Variants in KCNJ3 observed in about 807,000 individuals in gnomAD.
The protein encoded by KCNJ3 is potassium inwardly rectifying channel subfamily J member 3, also known as G protein-activated inward rectifier potassium channel 1.
A neutral mutation model predicts 39.2 loss-of-function variants in KCNJ3; 4 were observed. That is an observed-to-expected ratio of 0.10 (90% CI 0.05 to 0.23). The LOEUF (loss-of-function observed/expected upper bound fraction) is 0.23. KCNJ3 is among the 10% of genes least tolerant of loss of function. KCNJ3 has a pLI of 1.00. For missense variants in KCNJ3, 276 were observed against 634.9 expected, an observed-to-expected ratio of 0.43 and a Z score of 6.08; for synonymous variants, 230 against 237.4, an observed-to-expected ratio of 0.97 and a Z score of 0.29.
At chr2:154,852,940 A>T (rs2105141489) in intron 2 of KCNJ3, among the ~76,000 whole-genome samples, 1 of 152,240 alleles carries the variant, frequency 6.6e-6, no homozygotes, top group Non-Finnish European at 1.5e-5. Context: ...CTAAAATATT[A>T]GAGACATTAC....
chr2:154,704,538 A>G (rs1574427438), intron 1 of KCNJ3, among the ~76,000 whole-genome samples: 1 of 152,206 alleles, frequency 6.6e-6, no homozygotes, highest in East Asian at 1.9e-4. Context: ...TAATTGGCTC[A>G]GCATTAAAAA....
chr2:154,828,819 G>A (rs899854649), intron 2 of KCNJ3, among the ~76,000 whole-genome samples: 18 of 152,162 alleles, frequency 1.2e-4, no homozygotes, highest in African/African-American at 4.3e-4. Flanking sequence ...TAAATAGGAA[G>A]ATTTAGGGGT....
intron 2 of KCNJ3, among the ~76,000 whole-genome samples, chr2:154,845,362 G>A (rs557906177): frequency 2.6e-5 from 4 of 152,024 alleles, no homozygotes; most frequent in African/African-American, 7.2e-5. Flanking sequence ...CAAGTGATCC[G>A]CCTGCTTTGG....
intron 2 of KCNJ3, among the ~76,000 whole-genome samples, chr2:154,788,961 A>G (rs1204877184): frequency 6.6e-6 from 1 of 152,074 alleles, no homozygotes; most frequent in Non-Finnish European, 1.5e-5. Context: ...TCTGTTCTTG[A>G]TTCAGAGTGG....
chr2:154,789,246 CAGTAA>C (rs147195616), intron 2 of KCNJ3, among the ~76,000 whole-genome samples: 7,435 of 152,002 alleles, frequency 0.049, 227 homozygotes, highest in African/African-American at 0.084. Flanking sequence ...TAATAGTAAT[CAGTAA>C]AGTAAAGAAG....
chr2:154,699,301 C>A lies in KCNJ3; in HGVS notation c.526C>A (p.Leu176Ile). ...SILGSIVDAF[L>I]IGCMFIKMSQ... ...CCTGGGCTCCATCGTGGACGCCTTC[C>A]TCATCGGCTGCATGTTCATCAAGAT... Residue 176 changes from leucine (L) to isoleucine (I), a missense_variant, in exon 1 of 3, where the codon CTC (leucine) becomes ATC (isoleucine). Leu to Ile is a conservative substitution (Grantham distance 5, BLOSUM62 2). Around this residue, in one of 4 missense-constraint regions of KCNJ3, gnomAD observed 46 missense variants for 206.6 expected, o/e 0.22. Coordinates refer to ENST00000295101, the MANE Select transcript of KCNJ3 (RefSeq NM_002239.4). This position sits in a 1 kb window ranked among gnomAD's most constrained non-coding sequence, Gnocchi z 6.4. 1 of 1,614,022 alleles carries A rather than the reference C, an allele frequency of 6.2e-7. No individual in the cohort carries two copies. The highest frequency in any genetic ancestry group is 8.5e-7 in the Non-Finnish European group (1 of 1,180,040).
At chr2:154,799,103 T>C (rs779526924) in intron 2 of KCNJ3, among the ~76,000 whole-genome samples, 13 of 152,140 alleles carry the variant, frequency 8.5e-5, no homozygotes, top group Non-Finnish European at 1.6e-4. Flanking sequence ...AACTCCACAG[T>C]CAAAAGAAAA....
chr2:154,835,470 A>G (rs887068424), intron 2 of KCNJ3, among the ~76,000 whole-genome samples: 51 of 101,326 alleles, frequency 5.0e-4, no homozygotes, highest in African/African-American at 1.5e-3. Flanking sequence ...ATTCATGAAT[A>G]TGAATATATA....
intron 2 of KCNJ3, among the ~76,000 whole-genome samples, chr2:154,767,104 AG>A (rs1686147939): frequency 6.6e-6 from 1 of 152,162 alleles, no homozygotes; most frequent in Admixed American, 6.6e-5. Flanking sequence ...TTTGTACCAC[AG>A]GTTTCAAAAA....
chr2:154,709,879 G>A, intron 2 of KCNJ3, 60 bp downstream of exon 2: 2 of 1,569,008 alleles, frequency 1.3e-6, no homozygotes, highest in Non-Finnish European at 8.7e-7. Context: ...TATATGATAT[G>A]CACAATACCT....
At chr2:154,757,517 A>AT (rs751935169) in intron 2 of KCNJ3, among the ~76,000 whole-genome samples, 11 of 151,962 alleles carry the variant, frequency 7.2e-5, no homozygotes, top group African/African-American at 1.9e-4. Context: ...TATTTTGTTG[A>AT]TTTTTTTCTC....
intron 2 of KCNJ3, among the ~76,000 whole-genome samples, chr2:154,779,139 A>G (rs1029720084): frequency 1.3e-5 from 2 of 152,020 alleles, no homozygotes; most frequent in African/African-American, 4.8e-5. Flanking sequence ...TGGTACAGGG[A>G]AAACCACACA....
intron 2 of KCNJ3, among the ~76,000 whole-genome samples, chr2:154,753,433 T>A (rs2105183437): frequency 6.6e-6 from 1 of 152,264 alleles, no homozygotes; most frequent in Non-Finnish European, 1.5e-5. Context: ...TTCAAGATTG[T>A]AAGAAATCAC....
At chr2:154,775,570 A>G (rs549356885) in intron 2 of KCNJ3, among the ~76,000 whole-genome samples, 1 of 152,316 alleles carries the variant, frequency 6.6e-6, no homozygotes, top group African/African-American at 2.4e-5. Context: ...TTGAGCTTAC[A>G]AAGCATTTTA....
intron 2 of KCNJ3, among the ~76,000 whole-genome samples, chr2:154,735,069 C>CTG (rs10632638): frequency 0.18 from 26,758 of 145,752 alleles, 2,365 homozygotes; most frequent in Non-Finnish European, 0.2. Context: ...CCTTGTAGGC[C>CTG]TGTGTGTGTG....
Position 154,699,853 on chromosome 2 carries a change from T to C in KCNJ3, c.702+376T>C, listed in dbSNP as rs1167354574. ...ATTTGTTGTCTACACACTACCCCAT[T>C]CAATGCGAGGTACTAGAACTCAACT... On this transcript the variant is annotated intron_variant, in intron 1 of 2. Coordinates refer to ENST00000295101, the MANE Select transcript of KCNJ3 (RefSeq NM_002239.4). This position sits in a 1 kb window ranked among gnomAD's most constrained non-coding sequence, Gnocchi z 6.4. 6.6e-6 allele frequency among the ~76,000 whole-genome samples: 1 copy of C among 152,108 alleles called. No individual in the cohort carries two copies.
intron 2 of KCNJ3, among the ~76,000 whole-genome samples, chr2:154,840,385 C>T (rs1244877675): frequency 1.3e-5 from 2 of 152,146 alleles, no homozygotes; most frequent in Non-Finnish European, 2.9e-5. Context: ...ATGCCTCCAG[C>T]TTTGTTCTTT....
chr2:154,766,351 T>C (rs1686133209), intron 2 of KCNJ3, among the ~76,000 whole-genome samples: 1 of 152,102 alleles, frequency 6.6e-6, no homozygotes, highest in African/African-American at 2.4e-5. Context: ...TGCCATGATA[T>C]ATCATTGTGA....
At chr2:154,724,917 G>GTGTATATATATATATA (rs1484414127) in intron 2 of KCNJ3, among the ~76,000 whole-genome samples, 3 of 116,316 alleles carry the variant, frequency 2.6e-5, no homozygotes, top group African/African-American at 7.1e-5. Context: ...TACATATGAG[G>GTGTATATATATATATA]TATATATATA....
Sources: allele counts gnomAD v4.1 joint callset (sites outside exome capture counted in the v4.1 genomes callset), GRCh38; gene constraint gnomAD v4.1.1; regional missense constraint gnomAD v4.1.1; non-coding constraint Gnocchi (gnomAD v3.1); transcripts MANE v1.5; gene names NCBI Gene and HGNC (gene_info 2026-07-23, HGNC 2026-07-21).